TLK1: variants seen among roughly 807,000 people sequenced by gnomAD.
The protein encoded by TLK1 is serine/threonine-protein kinase tousled-like 1.
In TLK1, 24 loss-of-function variants were observed where a neutral mutation model predicts 105.3. The observed-to-expected ratio is 0.23, with a 90% CI of 0.17 to 0.32. The LOEUF (loss-of-function observed/expected upper bound fraction) is 0.32, where lower values mean the gene tolerates loss of function less well. Among genes scored for constraint, TLK1 ranks in the 10% least tolerant of loss-of-function variants. The probability of loss-of-function intolerance (pLI) is 1.00; values close to 1 mark genes in which losing one functional copy is unlikely to be tolerated. For missense variants in TLK1, 558 were observed against 910.5 expected (o/e 0.61, Z 4.98); for synonymous variants, 321 against 310.4 (o/e 1.03, Z -0.36).
intron 1 of TLK1, among the ~76,000 whole-genome samples, chr2:171,191,388 G>A (rs1693149180): frequency 1.3e-5 from 2 of 151,498 alleles, no homozygotes; most frequent in African/African-American, 4.9e-5. Flanking sequence ...GGGCAACATG[G>A]TGAGACCCAC....
At chr2:171,027,259 C>A in intron 12 of TLK1, among the ~76,000 whole-genome samples, 1 of 152,136 alleles carries the variant, frequency 6.6e-6, no homozygotes, top group African/African-American at 2.4e-5. Flanking sequence ...ACCTATAATT[C>A]AGCCTATTTA....
chr2:171,061,094 A>G lies in TLK1; in HGVS notation c.393T>C (p.Asn131=). Residue 131 remains asparagine (N), a synonymous_variant, in exon 4 of 21, where the codon AAT becomes AAC. Transcript: ENST00000431350. ...TTATGTGCTTACCCTGACTACTTTCATTCTGGTTTTCTGCTTTTCTCTTTC... is the reference window on the plus strand; with the variant it reads ...TTATGTGCTTACCCTGACTACTTTCGTTCTGGTTTTCTGCTTTTCTCTTTC... The part of the protein sequence containing the change: ...RGRKRKAENQ[N]ESSQGKSIGG... 6.2e-7 allele frequency: 1 copy of G among 1,613,572 alleles called. No individual in the cohort carries two copies. The highest frequency in any genetic ancestry group is 1.1e-5 in the South Asian group (1 of 91,064).
chr2:171,143,007 G>C (rs2105580649), intron 1 of TLK1, among the ~76,000 whole-genome samples: 1 of 152,282 alleles, frequency 6.6e-6, no homozygotes, highest in East Asian at 1.9e-4. Flanking sequence ...TGAACTCAGA[G>C]ACAGAAGTTG....
At chr2:171,112,192 C>T (rs1413427199) in intron 2 of TLK1, among the ~76,000 whole-genome samples, 9 of 152,304 alleles carry the variant, frequency 5.9e-5, no homozygotes, top group East Asian at 3.9e-4. Flanking sequence ...CCTCGTGATC[C>T]GCCCACTTTG....
rs79783714 is a variant in TLK1 at position 171,227,270 on chromosome 2, T to G, written c.-6+3875A>C. Among the ~76,000 whole-genome samples, 521 of 152,290 alleles carry G rather than the reference T, an allele frequency of 3.4e-3. 8 individuals carry two copies. The highest frequency in any genetic ancestry group is 0.012 in the African/African-American group (493 of 41,550). On this transcript the variant is annotated intron_variant, in intron 1 of 20. Coordinates refer to the TLK1 transcript ENST00000521943. ...ATTTATCTCCTGACCTCATGATTGGTTCAGAGATGGGCATGTGACTCAACT... is the reference window on the plus strand; with the variant it reads ...ATTTATCTCCTGACCTCATGATTGGGTCAGAGATGGGCATGTGACTCAACT...
chr2:171,186,397 G>A (rs1693025293), intron 1 of TLK1, among the ~76,000 whole-genome samples: 1 of 152,158 alleles, frequency 6.6e-6, no homozygotes, highest in South Asian at 2.1e-4. Flanking sequence ...CCCCTCCCTT[G>A]GAGGGATGTT....
At chr2:171,179,829 C>T (rs1692895463) in intron 1 of TLK1, among the ~76,000 whole-genome samples, 1 of 152,020 alleles carries the variant, frequency 6.6e-6, no homozygotes, top group Admixed American at 6.6e-5. Flanking sequence ...CATGGTGGCT[C>T]ACACCTGCAA....
At chr2:171,048,708 T>C (rs954117310) in intron 10 of TLK1, among the ~76,000 whole-genome samples, 2 of 152,252 alleles carry the variant, frequency 1.3e-5, no homozygotes, top group Non-Finnish European at 2.9e-5. Flanking sequence ...TGAAGAAAAG[T>C]TGAATAAATC....
chr2:171,167,568 G>C (rs1433026489), intron 1 of TLK1, among the ~76,000 whole-genome samples: 1 of 152,084 alleles, frequency 6.6e-6, no homozygotes, highest in Non-Finnish European at 1.5e-5. Context: ...AAATCCTGAA[G>C]AGATAGTTCC....
chr2:171,091,283 G>A (rs143242244), intron 2 of TLK1, among the ~76,000 whole-genome samples: 1 of 152,204 alleles, frequency 6.6e-6, no homozygotes, highest in East Asian at 1.9e-4. Context: ...TGCTTGAGAG[G>A]AGCTATATGG....
At chr2:171,117,063 T>C (rs188346671) in intron 2 of TLK1, among the ~76,000 whole-genome samples, 1 of 152,276 alleles carries the variant, frequency 6.6e-6, no homozygotes, top group African/African-American at 2.4e-5. Context: ...CCTAATCTTT[T>C]TGGCACCCAG....
At chr2:171,029,541 T>A (rs111726782) in intron 11 of TLK1, among the ~76,000 whole-genome samples, 1 of 152,130 alleles carries the variant, frequency 6.6e-6, no homozygotes, top group African/African-American at 2.4e-5. Context: ...AGTGTCCAGG[T>A]TGAATTTGAA....
chr2:171,053,887 T>G (rs770257496), intron 7 of TLK1, 34 bp from the exon 8 acceptor site: 8 of 1,458,408 alleles, frequency 5.5e-6, no homozygotes, highest in Non-Finnish European at 7.5e-6. Context: ...TTATCTCCAT[T>G]ATATATGTTG....
chr2:171,175,456 T>C (rs1575646828), intron 1 of TLK1, among the ~76,000 whole-genome samples: 1 of 152,282 alleles, frequency 6.6e-6, no homozygotes, highest in East Asian at 1.9e-4. Context: ...CTAGAGATGA[T>C]TTAAAGTTTT....
chr2:171,137,640 G>A (rs898699000), intron 1 of TLK1, among the ~76,000 whole-genome samples: 3 of 152,070 alleles, frequency 2.0e-5, no homozygotes, highest in Non-Finnish European at 2.9e-5. Flanking sequence ...CCTGAGCTCA[G>A]GAGTTCGCGA....
At chr2:171,052,037 A>G (rs1687265677) in intron 8 of TLK1, among the ~76,000 whole-genome samples, 1 of 152,178 alleles carries the variant, frequency 6.6e-6, no homozygotes, top group Non-Finnish European at 1.5e-5. Flanking sequence ...TGGGAGACCA[A>G]GGTGGGAGGA....
chr2:171,163,194 G>T (rs1575642476), upstream of TLK1, among the ~76,000 whole-genome samples: 1 of 152,200 alleles, frequency 6.6e-6, no homozygotes, highest in Non-Finnish European at 1.5e-5. Flanking sequence ...TACACTGAAT[G>T]AGTGTACCAC....
intron 10 of TLK1, among the ~76,000 whole-genome samples, chr2:171,049,368 T>C (rs950666211): frequency 5.8e-4 from 89 of 152,210 alleles, no homozygotes; most frequent in African/African-American, 1.7e-3. Context: ...AAATCAGTTA[T>C]TATATCTGAG....
Position 171,059,893 on chromosome 2 carries a change from A to G in TLK1, c.406+1188T>C, listed in dbSNP as rs752540972. Reference sequence around the variant, plus strand: ...GCTGATCTGACAGGAGGCCGAGCTTAGGCGGTAATGCTCACTGGCCCGCTG... The same window carrying G: ...GCTGATCTGACAGGAGGCCGAGCTTGGGCGGTAATGCTCACTGGCCCGCTG... On this transcript the variant is annotated intron_variant, in intron 4 of 20. Transcript: ENST00000431350. 2.8e-6 allele frequency: 3 copies of G among 1,086,164 alleles called. No individual in the cohort carries two copies. In the South Asian group the frequency reaches 3.7e-5, roughly 13 times the overall value. The allele number at this position is 1,086,164 out of a possible 1,614,324, so 67.3% of individuals were successfully genotyped here.
Sources: gnomAD v4.1 joint callset for allele counts (sites outside exome capture counted in the v4.1 genomes callset) on GRCh38, gnomAD v4.1.1 for gene constraint, MANE v1.5 for transcripts, NCBI Gene and HGNC (gene_info 2026-07-23, HGNC 2026-07-21) for gene names.